NCOA1: variants seen among roughly 807,000 people sequenced by gnomAD.
NCOA1 encodes nuclear receptor coactivator 1, also known as Hin-2 protein.
Under a neutral mutation model 150.9 loss-of-function variants are expected in NCOA1, and 35 were observed. That is an observed-to-expected ratio of 0.23 (90% CI 0.18 to 0.31). NCOA1 has a LOEUF of 0.31. NCOA1 is among the 10% of genes least tolerant of loss of function. The pLI, the probability that NCOA1 is intolerant of heterozygous loss-of-function variation, is 1.00. For missense variants in NCOA1, 1,491 were observed against 1,749.3 expected, an observed-to-expected ratio of 0.85 and a Z score of 2.63; for synonymous variants, 590 against 630.0, an observed-to-expected ratio of 0.94 and a Z score of 0.95.
intron 3 of NCOA1, among the ~76,000 whole-genome samples, chr2:24,639,866 C>G (rs1340091390): frequency 7.8e-6 from 1 of 127,670 alleles, no homozygotes; most frequent in African/African-American, 3.0e-5. Flanking sequence ...CCAGCCCGGG[C>G]GACAGTGCGA....
At chr2:24,527,970 G>C (rs1201105396) in intron 1 of NCOA1, among the ~76,000 whole-genome samples, 1 of 152,062 alleles carries the variant, frequency 6.6e-6, no homozygotes, top group Admixed American at 6.5e-5. Flanking sequence ...GTCGTCTTTG[G>C]AGAAATGTCT....
At chr2:24,533,690 A>T (rs537048631) in intron 1 of NCOA1, among the ~76,000 whole-genome samples, 5 of 152,310 alleles carry the variant, frequency 3.3e-5, no homozygotes, top group African/African-American at 1.2e-4. Flanking sequence ...CCTTTTCTGC[A>T]TCTATTGAGA....
At chr2:24,737,505 A>G (rs1300273512) in intron 17 of NCOA1, among the ~76,000 whole-genome samples, 2 of 152,202 alleles carry the variant, frequency 1.3e-5, no homozygotes, top group East Asian at 3.9e-4. Flanking sequence ...TCACAATTCA[A>G]AGAATATATA....
chr2:24,598,468 G>C (rs763514032), intron 3 of NCOA1, among the ~76,000 whole-genome samples: 2 of 152,108 alleles, frequency 1.3e-5, no homozygotes, highest in Non-Finnish European at 1.5e-5. Context: ...TTTTAAAGGA[G>C]AAATGATCAG....
At chr2:24,502,610 G>T (rs1663512657) in intron 1 of NCOA1, among the ~76,000 whole-genome samples, 1 of 152,102 alleles carries the variant, frequency 6.6e-6, no homozygotes, top group South Asian at 2.1e-4. Flanking sequence ...CCAGTGTTTG[G>T]CCCCAGCTTT....
intron 1 of NCOA1, among the ~76,000 whole-genome samples, chr2:24,529,222 A>G (rs1664779979): frequency 6.6e-6 from 1 of 152,192 alleles, no homozygotes; most frequent in African/African-American, 2.4e-5. Context: ...CAAATCATTG[A>G]AAAAAATATT....
At position 24,492,975 on chromosome 2, in the gene NCOA1, G is replaced by T. The variant is rs200130613; in HGVS notation, c.-396+1373G>T. Reference sequence around the variant, plus strand: ...GTTGGAGGCTAGTCTCAAAAAAAAAGCAAACAAAACAACAACAATAACAAC... The same window carrying T: ...GTTGGAGGCTAGTCTCAAAAAAAAATCAAACAAAACAACAACAATAACAAC... On this transcript the variant is annotated intron_variant, in intron 1 of 22. Transcript: ENST00000348332. Among the ~76,000 whole-genome samples, 43 of 81,346 alleles carry T rather than the reference G, an allele frequency of 5.3e-4. 1 individual carries two copies. The highest frequency in any genetic ancestry group is 7.5e-4 in the Non-Finnish European group (28 of 37,388). 53.4% of individuals were successfully genotyped at this position (81,346 alleles called of 152,430 possible).
chr2:24,751,652 C>T (rs1414875750), intron 19 of NCOA1, among the ~76,000 whole-genome samples: 3 of 151,664 alleles, frequency 2.0e-5, no homozygotes, highest in Admixed American at 2.0e-4. Context: ...CATATTTTTA[C>T]ACTTAAAAAT....
chr2:24,765,498 C>CAAAAAA (rs200703883), intron 22 of NCOA1, among the ~76,000 whole-genome samples: 1 of 120,940 alleles, frequency 8.3e-6, no homozygotes, highest in Non-Finnish European at 1.7e-5. Context: ...GACTCTGTCT[C>CAAAAAA]AAAAAAAAAA....
At chr2:24,582,515 A>T (rs1228723016) in intron 2 of NCOA1, among the ~76,000 whole-genome samples, 2 of 152,206 alleles carry the variant, frequency 1.3e-5, no homozygotes, top group East Asian at 3.8e-4. Flanking sequence ...AATATTGTCA[A>T]AATGACCATA....
At chr2:24,641,816 T>G (rs952290110) in intron 3 of NCOA1, among the ~76,000 whole-genome samples, 14 of 152,166 alleles carry the variant, frequency 9.2e-5, no homozygotes, top group Non-Finnish European at 1.8e-4. Context: ...GCGGTTTGAC[T>G]GGACTTTGCC....
At chr2:24,639,987 A>G (rs1670132449) in intron 3 of NCOA1, among the ~76,000 whole-genome samples, 1 of 140,464 alleles carries the variant, frequency 7.1e-6, no homozygotes, top group Admixed American at 7.0e-5. Context: ...GTATAAACGC[A>G]ACTTCAGAGT....
intron 21 of NCOA1, among the ~76,000 whole-genome samples, 197 bp downstream of exon 21, chr2:24,758,353 T>C (rs903873079): frequency 2.9e-4 from 42 of 143,416 alleles, no homozygotes; most frequent in African/African-American, 1.0e-3. Flanking sequence ...TTTTTTGAGA[T>C]GGAGTCTCAC....
rs146303042 is a variant in NCOA1 at position 24,612,347 on chromosome 2, C to T, written c.-175+27787C>T. ...TTTTTCATTAGCTTTGACCTTGAAT[C>T]GTTTTGTGATTATATTTCTTATTGA... On this transcript the variant is annotated intron_variant, in intron 3 of 22. Transcript: ENST00000348332. Among the ~76,000 whole-genome samples the T allele has an allele frequency of 6.6e-5, 10 of 152,228 alleles. No individual in the cohort carries two copies. The East Asian group carries it at 1.7e-3, about 26-fold the overall frequency.
intron 3 of NCOA1, among the ~76,000 whole-genome samples, chr2:24,603,576 G>A (rs1247568565): frequency 6.6e-6 from 1 of 152,206 alleles, no homozygotes; most frequent in Non-Finnish European, 1.5e-5. Context: ...TTCACCAGAA[G>A]TAGGTAACAT....
chr2:24,697,861 G>T (rs935464961), intron 11 of NCOA1, 63 bp downstream of exon 11: 6 of 1,444,730 alleles, frequency 4.2e-6, no homozygotes, highest in African/African-American at 1.4e-5. Context: ...TGAATAGTTC[G>T]TATAGAACTT....
At chr2:24,545,435 T>A (rs1665568902) in intron 1 of NCOA1, among the ~76,000 whole-genome samples, 1 of 149,056 alleles carries the variant, frequency 6.7e-6, no homozygotes, top group African/African-American at 2.4e-5. Flanking sequence ...AAGTCCACAC[T>A]GATTAAAATA....
At chr2:24,516,541 A>G (rs1545255) in intron 1 of NCOA1, among the ~76,000 whole-genome samples, 99,477 of 151,238 alleles carry the variant, frequency 0.66, 36,211 homozygotes, top group East Asian at 0.86. Flanking sequence ...AGTTCATTAC[A>G]TTGTGTCATT....
intron 3 of NCOA1, among the ~76,000 whole-genome samples, chr2:24,585,318 T>C (rs1667355464): frequency 1.3e-5 from 2 of 152,262 alleles, no homozygotes; most frequent in Admixed American, 1.3e-4. Context: ...TTGTCATGTT[T>C]TGTGCAAATA....
Sources: allele counts gnomAD v4.1 joint callset (sites outside exome capture counted in the v4.1 genomes callset), GRCh38; gene constraint gnomAD v4.1.1; transcripts MANE v1.5; gene names NCBI Gene and HGNC (gene_info 2026-07-23, HGNC 2026-07-21).